The following RAB38 variants were observed in gnomAD, a reference collection of about 807,000 sequenced individuals.
The protein encoded by RAB38 is RAB38, member RAS oncogene family.
Under a neutral mutation model 18.4 loss-of-function variants are expected in RAB38, and 15 were observed. That is an observed-to-expected ratio of 0.82 (90% confidence interval 0.55 to 1.26). The LOEUF (loss-of-function observed/expected upper bound fraction) is 1.26, where lower values mean the gene tolerates loss of function less well. Among genes scored for constraint, RAB38 ranks in the 50% most tolerant of loss-of-function variants. RAB38 has a pLI of 0.00. For missense variants in RAB38, 294 were observed against 267.4 expected (o/e 1.10, Z -0.69); for synonymous variants, 101 against 104.4 (o/e 0.97, Z 0.20).
At chr11:87,963,375 A>T in the RAB38 span, among the ~76,000 whole-genome samples, 1 of 152,162 alleles carries the variant, frequency 6.6e-6, no homozygotes, top group Admixed American at 6.5e-5. Flanking sequence ...AAATAATATG[A>T]TTCTCAAAAA....
intron 2 of RAB38, among the ~76,000 whole-genome samples, chr11:88,123,505 C>T (rs1237890717): frequency 2.6e-5 from 4 of 152,148 alleles, no homozygotes; most frequent in African/African-American, 7.2e-5. Context: ...ATTTTGCTTT[C>T]CAGTTATTAT....
At chr11:88,136,451 A>G (rs1211333715) in intron 2 of RAB38, among the ~76,000 whole-genome samples, 1 of 152,182 alleles carries the variant, frequency 6.6e-6, no homozygotes, top group African/African-American at 2.4e-5. Flanking sequence ...GTAAAGTAAC[A>G]GAGAAGGAGA....
At chr11:88,053,325 C>T in the RAB38 span, among the ~76,000 whole-genome samples, 38 of 31,310 alleles carry the variant, frequency 1.2e-3, no homozygotes, top group Non-Finnish European at 1.6e-3. Context: ...TATATATATA[C>T]ACACACATAT....
At chr11:87,972,826 T>G in the RAB38 span, among the ~76,000 whole-genome samples, 6 of 152,054 alleles carry the variant, frequency 3.9e-5, no homozygotes, top group Non-Finnish European at 5.9e-5. Context: ...CACTCAAACC[T>G]CATGTCAAAT....
At chr11:87,976,312 A>G in the RAB38 span, among the ~76,000 whole-genome samples, 5 of 139,954 alleles carry the variant, frequency 3.6e-5, no homozygotes, top group Non-Finnish European at 7.6e-5. Context: ...ATATATACAC[A>G]TATACCAGAG....
chr11:88,034,806 A>G, the RAB38 span, among the ~76,000 whole-genome samples: 1 of 152,186 alleles, frequency 6.6e-6, no homozygotes, highest in African/African-American at 2.4e-5. Context: ...TCTTCTATGA[A>G]CATTCTTATT....
At chr11:87,893,428 G>C in the RAB38 span, among the ~76,000 whole-genome samples, 1 of 87,364 alleles carries the variant, frequency 1.1e-5, no homozygotes, top group Admixed American at 1.5e-4. Flanking sequence ...GCTGAGCTTA[G>C]GTCAAGAGCC....
Position 88,175,260 on chromosome 11 carries a change from A to AC in RAB38, c.124_125insG (p.Ile42SerfsTer58). 1 of 1,614,104 alleles carries AC rather than the reference A, an allele frequency of 6.2e-7. No individual in the cohort carries two copies. The highest frequency in any genetic ancestry group is 8.5e-7 in the Non-Finnish European group (1 of 1,180,012). On this transcript the variant is annotated frameshift_variant, in exon 1 of 3. Transcript: ENST00000243662. LOFTEE classifies it high-confidence loss of function. ...CACCTTGAGCGCGAAGTCCACGCCGATTGTGGCCCGGTAGTGCGAAGAGAA... is the reference window on the plus strand; with the variant it reads ...CACCTTGAGCGCGAAGTCCACGCCGACTTGTGGCCCGGTAGTGCGAAGAGAA...
At chr11:88,011,122 G>A in the RAB38 span, among the ~76,000 whole-genome samples, 3 of 152,150 alleles carry the variant, frequency 2.0e-5, no homozygotes, top group African/African-American at 7.2e-5. Context: ...AAATGGCCCT[G>A]CAATTCTGTT....
the RAB38 span, among the ~76,000 whole-genome samples, chr11:88,106,785 T>C: frequency 6.6e-6 from 1 of 152,202 alleles, no homozygotes; most frequent in African/African-American, 2.4e-5. Context: ...ACCGTTTTTA[T>C]TAGGATTTTT....
chr11:87,939,467 A>G, the RAB38 span, among the ~76,000 whole-genome samples: 1 of 152,232 alleles, frequency 6.6e-6, no homozygotes, highest in Admixed American at 6.5e-5. Flanking sequence ...GGCAACATAA[A>G]GACTGTTTGA....
At chr11:88,009,615 C>T in the RAB38 span, among the ~76,000 whole-genome samples, 4 of 152,128 alleles carry the variant, frequency 2.6e-5, no homozygotes, top group African/African-American at 7.2e-5. Context: ...TGAGAGATTT[C>T]GATGATTCTG....
the RAB38 span, among the ~76,000 whole-genome samples, chr11:87,889,176 C>CCTGCCGT: frequency 6.6e-6 from 1 of 151,752 alleles, no homozygotes; most frequent in Admixed American, 6.6e-5. Flanking sequence ...TGCTGATGTG[C>CCTGCCGT]CTGCCCAGGA....
chr11:87,813,891 T>C, the RAB38 span, among the ~76,000 whole-genome samples: 4 of 152,210 alleles, frequency 2.6e-5, no homozygotes, highest in Non-Finnish European at 5.9e-5. Context: ...TCACTGCTGT[T>C]TCCCGTGGGG....
the RAB38 span, among the ~76,000 whole-genome samples, chr11:87,804,239 C>G: frequency 6.6e-6 from 1 of 152,072 alleles, no homozygotes; most frequent in Non-Finnish European, 1.5e-5. Context: ...TACTTTCTAC[C>G]TCTCTCCAAT....
chr11:88,162,529 C>A (rs1325845297), intron 1 of RAB38, among the ~76,000 whole-genome samples: 1 of 152,122 alleles, frequency 6.6e-6, no homozygotes, highest in Non-Finnish European at 1.5e-5. Flanking sequence ...GCATTCATCA[C>A]TTTCTTTCCA....
chr11:88,012,462 AT>A, the RAB38 span, among the ~76,000 whole-genome samples: 3 of 152,126 alleles, frequency 2.0e-5, no homozygotes, highest in African/African-American at 7.2e-5. Flanking sequence ...TTACTGGATT[AT>A]TTTTCCTAAT....
chr11:88,032,831 G>A, the RAB38 span, among the ~76,000 whole-genome samples: 4 of 152,150 alleles, frequency 2.6e-5, no homozygotes, highest in Admixed American at 6.5e-5. Flanking sequence ...ATTCCTCAGG[G>A]ATCTAGAACT....
chr11:87,938,417 A>C, the RAB38 span, among the ~76,000 whole-genome samples: 1 of 152,010 alleles, frequency 6.6e-6, no homozygotes, highest in African/African-American at 2.4e-5. Flanking sequence ...TAGCTTCCTT[A>C]GCCCTCTCTG....
Sources: allele counts gnomAD v4.1 joint callset (sites outside exome capture counted in the v4.1 genomes callset), GRCh38; gene constraint gnomAD v4.1.1; transcripts MANE v1.5; gene names NCBI Gene and HGNC (gene_info 2026-07-23, HGNC 2026-07-21).